Variants in ROR2 observed in about 807,000 individuals in gnomAD.
The protein encoded by ROR2 is tyrosine-protein kinase transmembrane receptor ROR2.
Under a neutral mutation model 74.9 loss-of-function variants are expected in ROR2, and 33 were observed. That is an observed-to-expected ratio of 0.44 (90% confidence interval 0.33 to 0.59). ROR2 has a LOEUF of 0.59. ROR2 is among the 20% of genes least tolerant of loss of function. The pLI, the probability that ROR2 is intolerant of heterozygous loss-of-function variation, is 0.02. For synonymous variants in ROR2, 586 were observed against 558.7 expected (o/e 1.05, Z -0.69); for missense variants, 1,216 against 1,313.8 (o/e 0.93, Z 1.15).
At chr9:91,900,357 T>C (rs756496773) in intron 1 of ROR2, among the ~76,000 whole-genome samples, 99 of 152,296 alleles carry the variant, frequency 6.5e-4, no homozygotes, top group Admixed American at 2.5e-3. Flanking sequence ...AGATGGTCAA[T>C]GACAGCGGCT....
At chr9:91,910,802 T>G (rs1028942093) in intron 1 of ROR2, among the ~76,000 whole-genome samples, 1 of 152,132 alleles carries the variant, frequency 6.6e-6, no homozygotes, top group Non-Finnish European at 1.5e-5. Flanking sequence ...TAGCTGAGAT[T>G]AGAGGCGTGT....
rs1260997857 is a variant in ROR2 at position 91,731,091 on chromosome 9, G to C, written c.1002C>G (p.Gly334=). Residue 334 remains glycine, a synonymous_variant, in exon 7 of 9, where the codon GGC becomes GGG. Transcript: ENST00000375708. ...YRGTASTTKS[G]HQCQPWALQH... ...GCAGGGCCCACGGCTGGCACTGGTG[G>C]CCTGACTTGGTGGTGCTTGCCGTTC... 1 of 1,614,088 alleles carries C rather than the reference G, an allele frequency of 6.2e-7. No individual in the cohort carries two copies. The highest frequency in any genetic ancestry group is 2.2e-5 in the East Asian group (1 of 44,872).
chr9:91,841,392 G>A (rs1238422891), intron 1 of ROR2, among the ~76,000 whole-genome samples: 2 of 152,152 alleles, frequency 1.3e-5, no homozygotes, highest in Non-Finnish European at 2.9e-5. Flanking sequence ...ATTCTCTTAG[G>A]TCTCGGAATG....
At chr9:91,916,816 C>A (rs1564036688) in intron 1 of ROR2, among the ~76,000 whole-genome samples, 1 of 152,062 alleles carries the variant, frequency 6.6e-6, no homozygotes, top group Non-Finnish European at 1.5e-5. Flanking sequence ...CATTTTCTCC[C>A]AAGAAACTGG....
intron 1 of ROR2, among the ~76,000 whole-genome samples, chr9:91,878,134 AAAAC>A (rs1308455946): frequency 6.6e-6 from 1 of 152,180 alleles, no homozygotes; most frequent in Admixed American, 6.5e-5. Flanking sequence ...GCTAGGAAAA[AAAAC>A]ACCCTAGAGT....
At chr9:91,763,177 C>G (rs1373082868) in intron 2 of ROR2, among the ~76,000 whole-genome samples, 1 of 152,144 alleles carries the variant, frequency 6.6e-6, no homozygotes, top group Non-Finnish European at 1.5e-5. Context: ...TACGGGAGGA[C>G]TGAAGGTAGG....
chr9:91,731,833 C>T (rs549733361), intron 6 of ROR2, among the ~76,000 whole-genome samples: 24 of 152,168 alleles, frequency 1.6e-4, no homozygotes, highest in Admixed American at 5.2e-4. Flanking sequence ...GGGAATCGCT[C>T]GAACCTGAGA....
intron 1 of ROR2, among the ~76,000 whole-genome samples, chr9:91,841,303 G>A (rs750057195): frequency 4.6e-5 from 7 of 152,212 alleles, no homozygotes; most frequent in Non-Finnish European, 7.3e-5. Context: ...AGTTTGACCA[G>A]GAGCTTTTTA....
At chr9:91,936,382 G>T (rs1831691484) in intron 1 of ROR2, among the ~76,000 whole-genome samples, 1 of 152,146 alleles carries the variant, frequency 6.6e-6, no homozygotes, top group Non-Finnish European at 1.5e-5. Flanking sequence ...TCTGCCTGTG[G>T]TCTCTTACCT....
chr9:91,791,994 AACC>A (rs1826997037), intron 1 of ROR2, among the ~76,000 whole-genome samples: 1 of 152,220 alleles, frequency 6.6e-6, no homozygotes, highest in South Asian at 2.1e-4. Context: ...ATTCTTAAAT[AACC>A]AACAAGGCAC....
intron 1 of ROR2, among the ~76,000 whole-genome samples, chr9:91,806,801 G>A (rs540893006): frequency 1.2e-4 from 18 of 152,272 alleles, no homozygotes; most frequent in Non-Finnish European, 2.6e-4. Flanking sequence ...GTGTTAGCCA[G>A]GATGGTCTCG....
At chr9:91,948,416 T>C (rs1832069576) in intron 1 of ROR2, among the ~76,000 whole-genome samples, 1 of 152,240 alleles carries the variant, frequency 6.6e-6, no homozygotes, top group South Asian at 2.1e-4. Flanking sequence ...TCTTGAGTGA[T>C]GGATACCAAC....
intron 1 of ROR2, among the ~76,000 whole-genome samples, chr9:91,880,807 G>A (rs1379000161): frequency 6.6e-6 from 1 of 152,210 alleles, no homozygotes; most frequent in African/African-American, 2.4e-5. Flanking sequence ...AGGGCAGGCT[G>A]GGAAATGTTC....
chr9:91,733,744 G>A lies in ROR2; in HGVS notation c.623-308C>T, dbSNP rs560144662. On this transcript the variant is annotated intron_variant, in intron 5 of 8. Transcript: ENST00000375708. This position sits in a 1 kb window ranked among gnomAD's most constrained non-coding sequence, Gnocchi z 5.7. ...AAAACTCGGCCCCCTAGCTCACTCC[G>A]CTAGGTGCTTCTTCCAGGACAAGAG... 7.9e-5 allele frequency among the ~76,000 whole-genome samples: 12 copies of A among 152,312 alleles called. No homozygotes were observed. The South Asian group carries it at 1.2e-3, about 16-fold the overall frequency.
chr9:91,724,172 G>A lies in ROR2; in HGVS notation c.2322C>T (p.Ser774=), dbSNP rs900718924. 15 of 1,612,284 alleles carry A rather than the reference G, an allele frequency of 9.3e-6. No homozygotes were observed. Among genetic ancestry groups the A allele is most frequent in the Non-Finnish European group, 1.3e-5 (15 of 1,180,022 alleles). The part of the protein sequence containing the change: ...ASNTTQTSSL[S]TSPVSNVSNA... ...TGCTCACATTGCTCACTGGGCTGGT[G>A]CTCAGGGAGCTGGTCTGCGTGGTGT... is the stretch of plus-strand genomic sequence containing the variant. Residue 774 remains serine, a synonymous_variant, in exon 9 of 9, where the codon AGC becomes AGT. Coordinates refer to ENST00000375708, the MANE Select transcript of ROR2 (RefSeq NM_004560.4).
At chr9:91,912,496 ATAC>A (rs879525762) in intron 1 of ROR2, among the ~76,000 whole-genome samples, 12 of 152,312 alleles carry the variant, frequency 7.9e-5, no homozygotes, top group African/African-American at 2.4e-4. Context: ...CCCAAAATAT[ATAC>A]TACTATGTAT....
chr9:91,895,669 C>T (rs980304079), intron 1 of ROR2, among the ~76,000 whole-genome samples: 4 of 152,156 alleles, frequency 2.6e-5, no homozygotes, highest in African/African-American at 9.7e-5. Flanking sequence ...CATGGTGAAA[C>T]CCCATCTCTA....
At chr9:91,747,029 C>A (rs1376455105) in intron 4 of ROR2, among the ~76,000 whole-genome samples, 1 of 152,134 alleles carries the variant, frequency 6.6e-6, no homozygotes, top group Non-Finnish European at 1.5e-5. Context: ...AGAAGCAGGA[C>A]CTGTGTATGG....
intron 2 of ROR2, among the ~76,000 whole-genome samples, chr9:91,772,514 T>G (rs1293778718): frequency 6.6e-6 from 1 of 152,212 alleles, no homozygotes; most frequent in East Asian, 1.9e-4. Flanking sequence ...GGCTCAGAAC[T>G]GTGATACTAT....
Sources: gnomAD v4.1 joint callset for allele counts (sites outside exome capture counted in the v4.1 genomes callset) on GRCh38, gnomAD v4.1.1 for gene constraint, Gnocchi (gnomAD v3.1) non-coding constraint, MANE v1.5 for transcripts, NCBI Gene and HGNC (gene_info 2026-07-23, HGNC 2026-07-21) for gene names.